RALGPS2: variants seen among roughly 807,000 people sequenced by gnomAD.
RALGPS2 encodes the protein Ral GEF with PH domain and SH3 binding motif 2.
A neutral mutation model predicts 86.8 loss-of-function variants in RALGPS2; 43 were observed. The observed-to-expected ratio is 0.50, with a 90% CI of 0.39 to 0.64. The LOEUF (loss-of-function observed/expected upper bound fraction) is 0.64, where lower values mean the gene tolerates loss of function less well. Ranked by LOEUF, RALGPS2 falls within the 30% of genes least tolerant of loss-of-function variation. The pLI is 0.00. For synonymous variants in RALGPS2, 243 were observed against 231.3 expected (o/e 1.05, Z -0.46); for missense variants, 536 against 694.6 (o/e 0.77, Z 2.57).
intron 8 of RALGPS2, among the ~76,000 whole-genome samples, chr1:178,857,714 TTACTC>T (rs1225504995): frequency 6.6e-6 from 1 of 152,190 alleles, no homozygotes; most frequent in African/African-American, 2.4e-5. Flanking sequence ...TCGTAAATGT[TTACTC>T]TGCATTCATT....
intron 5 of RALGPS2, among the ~76,000 whole-genome samples, chr1:178,809,390 A>G (rs559899896): frequency 2.0e-5 from 3 of 152,058 alleles, no homozygotes; most frequent in South Asian, 2.1e-4. Context: ...CCAAGCCCCT[A>G]ATGTCACCGA....
rs150159559 is a variant in RALGPS2, at chr1:178,773,545, T to A, written c.-83-3137T>A. ...TGTCTTTTAGAACTTGTAGTACTTT[T>A]ATAATATCGTATAAGCCTCTCTGTT... On this transcript the variant is annotated intron_variant, in intron 1 of 19. Coordinates refer to ENST00000367635, the MANE Select transcript of RALGPS2 (RefSeq NM_152663.5). Among the ~76,000 whole-genome samples the A allele has an allele frequency of 6.0e-3, 920 of 152,334 alleles. 10 individuals are homozygous for A. The highest frequency in any genetic ancestry group is 0.021 in the African/African-American group (875 of 41,582).
intron 5 of RALGPS2, among the ~76,000 whole-genome samples, chr1:178,808,689 A>ATTAT (rs1374901799): frequency 6.6e-6 from 1 of 152,046 alleles, no homozygotes; most frequent in Non-Finnish European, 1.5e-5. Context: ...GAGGGAATAC[A>ATTAT]TTATTCTAAG....
At chr1:178,798,356 A>G (rs1379105818) in intron 4 of RALGPS2, among the ~76,000 whole-genome samples, 1 of 152,228 alleles carries the variant, frequency 6.6e-6, no homozygotes, top group Non-Finnish European at 1.5e-5. Context: ...CTAATCAGTT[A>G]TCTCCACATG....
At chr1:178,834,573 C>T (rs901406020) in intron 8 of RALGPS2, among the ~76,000 whole-genome samples, 10 of 152,076 alleles carry the variant, frequency 6.6e-5, no homozygotes, top group South Asian at 2.1e-4. Flanking sequence ...CTATTGTGTA[C>T]CTTGTGTTGA....
intron 8 of RALGPS2, among the ~76,000 whole-genome samples, chr1:178,862,593 TTTTATTTATTTATTTA>T (rs57690079): frequency 2.8e-4 from 39 of 140,756 alleles, no homozygotes; most frequent in African/African-American, 8.0e-4. Flanking sequence ...GTTGCATTTT[TTTTATTTATTTATTTA>T]TTTATTTATT....
rs1037215191 is a variant in RALGPS2, at chr1:178,886,178, A to G, written c.1192+58A>G. The G allele has an allele frequency of 6.7e-5, 105 of 1,559,226 alleles. 1 individual carries two copies. In the South Asian group the frequency reaches 1.2e-3, roughly 17 times the overall value. ...TAACTTTAAATAAAAATGTTAATAA[A>G]ACTTGGCTGGAAAAAAACCCCACCC... On this transcript the variant is annotated intron_variant, in intron 13 of 19. Transcript: ENST00000367635.
chr1:178,726,638 G>C (rs776007747), intron 1 of RALGPS2, among the ~76,000 whole-genome samples: 1 of 151,562 alleles, frequency 6.6e-6, no homozygotes, highest in African/African-American at 2.4e-5. Flanking sequence ...GAGCTTTATC[G>C]TTTATGCTCC....
At position 178,803,018 on chromosome 1, in the gene RALGPS2, T is replaced by C. The variant is rs565106741; in HGVS notation, c.214-5027T>C. Among the ~76,000 whole-genome samples the C allele has an allele frequency of 3.9e-4, 59 of 152,270 alleles. No individual in the cohort carries two copies. In the South Asian group the frequency reaches 0.011, roughly 29 times the overall value. ...TGGACCCACACAGTTCAAACCCATG[T>C]TGTTCAAGGGTCAACTATGTACCTC... On this transcript the variant is annotated intron_variant, in intron 4 of 19. Coordinates refer to ENST00000367635, the MANE Select transcript of RALGPS2 (RefSeq NM_152663.5).
intron 1 of RALGPS2, among the ~76,000 whole-genome samples, chr1:178,761,591 C>T (rs994046941): frequency 6.6e-6 from 1 of 151,810 alleles, no homozygotes; most frequent in African/African-American, 2.4e-5. Context: ...GGCAGAGTCT[C>T]ACTCTTTTGC....
chr1:178,835,056 G>T (rs768562634), intron 8 of RALGPS2, among the ~76,000 whole-genome samples: 2 of 152,218 alleles, frequency 1.3e-5, no homozygotes, highest in African/African-American at 4.8e-5. Context: ...GGGATTGTAG[G>T]CATGAGCCAT....
intron 12 of RALGPS2, 59 bp from the exon 13 acceptor site, chr1:178,885,910 G>A: frequency 7.3e-7 from 1 of 1,368,382 alleles, no homozygotes. Flanking sequence ...TTTATATAAA[G>A]AGCAGTTTTT....
At chr1:178,778,955 A>G (rs547921201) in intron 2 of RALGPS2, among the ~76,000 whole-genome samples, 1 of 152,346 alleles carries the variant, frequency 6.6e-6, no homozygotes, top group East Asian at 1.9e-4. Context: ...ATGACAAATA[A>G]TGGTAACTCA....
chr1:178,851,841 C>T (rs1000090913), intron 8 of RALGPS2, among the ~76,000 whole-genome samples: 5 of 151,960 alleles, frequency 3.3e-5, no homozygotes, highest in Non-Finnish European at 5.9e-5. Flanking sequence ...CAAAATACAG[C>T]TGGAGAGAAA....
chr1:178,727,352 A>C (rs1002115875), intron 1 of RALGPS2, among the ~76,000 whole-genome samples: 2 of 152,118 alleles, frequency 1.3e-5, no homozygotes, highest in African/African-American at 4.8e-5. Context: ...GGCATGCGCC[A>C]CTGTGCGTTA....
At chr1:178,844,340 C>A (rs973568994) in intron 8 of RALGPS2, among the ~76,000 whole-genome samples, 8 of 152,126 alleles carry the variant, frequency 5.3e-5, no homozygotes, top group Admixed American at 3.9e-4. Flanking sequence ...AAAATGAGAA[C>A]CAAAACCTAC....
chr1:178,832,801 CT>C (rs1452585952), intron 7 of RALGPS2, among the ~76,000 whole-genome samples: 2 of 151,048 alleles, frequency 1.3e-5, no homozygotes, highest in African/African-American at 4.9e-5. Context: ...TTCAACTCCC[CT>C]TGATTATTTA....
chr1:178,743,872 A>G (rs1651165736), intron 1 of RALGPS2, among the ~76,000 whole-genome samples: 1 of 152,212 alleles, frequency 6.6e-6, no homozygotes, highest in African/African-American at 2.4e-5. Context: ...CCACACCAAA[A>G]AAAAACCCAA....
intron 8 of RALGPS2, chr1:178,864,988 A>G: frequency 6.8e-7 from 1 of 1,467,918 alleles, no homozygotes; most frequent in Non-Finnish European, 9.0e-7. Context: ...GTATCTTGAA[A>G]GGGCTTTTGG....
Sources: allele counts gnomAD v4.1 joint callset (sites outside exome capture counted in the v4.1 genomes callset), GRCh38; gene constraint gnomAD v4.1.1; transcripts MANE v1.5; gene names NCBI Gene and HGNC (gene_info 2026-07-23, HGNC 2026-07-21).